Variants in TNFAIP8L1 observed in about 807,000 individuals in gnomAD.
The protein encoded by TNFAIP8L1 is TNF alpha induced protein 8 like 1, also known as tumor necrosis factor alpha-induced protein 8-like protein 1.
For missense variants in TNFAIP8L1, 225 were observed against 266.1 expected (o/e 0.85, Z 1.08); for synonymous variants, 127 against 125.6 (o/e 1.01, Z -0.08).
chr19:4,650,938 C>T (rs1362739825), intron 1 of TNFAIP8L1, among the ~76,000 whole-genome samples: 3 of 152,064 alleles, frequency 2.0e-5, no homozygotes, highest in Admixed American at 6.5e-5. Flanking sequence ...GAGCCGAGAT[C>T]GTGCCACCAC....
chr19:4,640,541 T>G (rs2088249843), intron 1 of TNFAIP8L1: 1 of 152,238 alleles, frequency 6.6e-6, no homozygotes, highest in Non-Finnish European at 1.5e-5. Flanking sequence ...GCATGATATC[T>G]TGAACCAGTT....
chr19:4,652,211 C>T lies in TNFAIP8L1; in HGVS notation c.342C>T (p.Arg114=), dbSNP rs185831663. 7.0e-5 allele frequency: 108 copies of T among 1,544,620 alleles called. No individual in the cohort carries two copies. The East Asian group carries it at 2.1e-3, about 30-fold the overall frequency. ...FHQVDFTFDR[R]VLAAGLLECR... is the part of the protein sequence containing the mutation. ...AGGTGGACTTCACCTTCGACCGGCGCGTGCTGGCCGCCGGGCTGCTCGAGT... is the reference window on the plus strand; with the variant it reads ...AGGTGGACTTCACCTTCGACCGGCGTGTGCTGGCCGCCGGGCTGCTCGAGT... Residue 114 remains arginine, a synonymous_variant, in exon 2 of 2, where the codon CGC becomes CGT. Coordinates refer to ENST00000327473, the MANE Select transcript of TNFAIP8L1 (RefSeq NM_152362.3).
rs1483910159 is a variant in TNFAIP8L1 at position 4,651,860 on chromosome 19, C to G, written c.-3-7C>G. 2.5e-6 allele frequency: 4 copies of G among 1,589,220 alleles called. No individual in the cohort carries two copies. The highest frequency in any genetic ancestry group is 3.4e-6 in the Non-Finnish European group (4 of 1,163,746). ...CAAAACTGAGGGCTGGTCTGTGTCC[C>G]CCGCAGGCCATGGACACCTTCAGCA... On this transcript the variant is annotated splice_polypyrimidine_tract_variant and splice_region_variant and intron_variant, in intron 1 of 1. Coordinates refer to ENST00000327473, the MANE Select transcript of TNFAIP8L1 (RefSeq NM_152362.3).
In TNFAIP8L1 at chr19:4,652,214, G is replaced by A; in HGVS notation, c.345G>A (p.Val115=). Residue 115 remains valine (V), a synonymous_variant, in exon 2 of 2, where the codon GTG becomes GTA. Coordinates refer to ENST00000327473, the MANE Select transcript of TNFAIP8L1 (RefSeq NM_152362.3). ...TGGACTTCACCTTCGACCGGCGCGT[G>A]CTGGCCGCCGGGCTGCTCGAGTGCC... ...HQVDFTFDRR[V]LAAGLLECRD... is the part of the protein sequence containing the mutation. 1 of 1,545,026 alleles carries A rather than the reference G, an allele frequency of 6.5e-7. No homozygotes were observed.
At chr19:4,643,174 G>C (rs1052042955) in intron 1 of TNFAIP8L1, among the ~76,000 whole-genome samples, 5 of 151,760 alleles carry the variant, frequency 3.3e-5, no homozygotes, top group Non-Finnish European at 5.9e-5. Flanking sequence ...AGCTACTCAG[G>C]AAGCTGAGGC....
chr19:4,652,526 C>A lies in TNFAIP8L1; in HGVS notation c.*96C>A. The A allele has an allele frequency of 1.6e-6, 2 of 1,260,550 alleles. No individual in the cohort carries two copies. The highest frequency in any genetic ancestry group is 2.2e-6 in the Non-Finnish European group (2 of 930,152). The allele number at this position is 1,260,550 out of a possible 1,614,324, so 78.1% of individuals were successfully genotyped here. A position where few individuals can be genotyped will look rare whatever the true frequency, so the allele number is the denominator to read the frequency against. On this transcript the variant is annotated 3_prime_UTR_variant, in exon 2 of 2. Transcript: ENST00000327473. ...GGGTTTTTTTCCACCTCTTTTCTCC[C>A]AATCGGACTCCGGCCAAACTCCCCT...
Position 4,652,458 on chromosome 19 carries a change from C to A in TNFAIP8L1, c.*28C>A, listed in dbSNP as rs915435391. The A allele has an allele frequency of 2.0e-6, 3 of 1,481,634 alleles. No individual in the cohort carries two copies. The allele number at this position is 1,481,634 out of a possible 1,614,324, so 91.8% of individuals were successfully genotyped here. On this transcript the variant is annotated 3_prime_UTR_variant, in exon 2 of 2. Transcript: ENST00000327473. ...CCCGGCGCCGCCCAACCGCGCCCCT[C>A]GCGCCTTTTGGGGCTCTCCTGCTGG...
chr19:4,642,148 C>A (rs2088266558), intron 1 of TNFAIP8L1: 1 of 152,216 alleles, frequency 6.6e-6, no homozygotes, highest in Non-Finnish European at 1.5e-5. Flanking sequence ...CACTGCACTT[C>A]AGCCTGGGCG....
chr19:4,648,087 T>C (rs1379451240), intron 1 of TNFAIP8L1, among the ~76,000 whole-genome samples: 1 of 152,186 alleles, frequency 6.6e-6, no homozygotes, highest in Non-Finnish European at 1.5e-5. Flanking sequence ...GAATGACGAA[T>C]AGGCACAGGT....
At position 4,652,625 on chromosome 19, in the gene TNFAIP8L1, A is replaced by C; in HGVS notation, c.*195A>C. The C allele has an allele frequency of 1.8e-6, 1 of 555,046 alleles. No homozygotes were observed. The highest frequency in any genetic ancestry group is 3.1e-6 in the Non-Finnish European group (1 of 323,026). 34.4% of individuals were successfully genotyped at this position (555,046 alleles called of 1,614,324 possible). ...AGCAGCTGTTTCAAACACCAATGTC[A>C]CCTCTCCTCCTGGCCCCCGCCCAAT... On this transcript the variant is annotated 3_prime_UTR_variant, in exon 2 of 2. Coordinates refer to ENST00000327473, the MANE Select transcript of TNFAIP8L1 (RefSeq NM_152362.3).
At chr19:4,648,432 G>A (rs1343441838) in intron 1 of TNFAIP8L1, among the ~76,000 whole-genome samples, 3 of 152,230 alleles carry the variant, frequency 2.0e-5, no homozygotes, top group South Asian at 4.1e-4. Flanking sequence ...GGATGGGAGC[G>A]TTTCTGGCAG....
Position 4,640,162 on chromosome 19 carries a change from A to G in TNFAIP8L1, c.-4+533A>G, listed in dbSNP as rs965602027. ...GAACTGGGACCGTCGCTGCTAAGGT[A>G]ATTGGCAGGTGATCTGAAGGACACC... On this transcript the variant is annotated intron_variant, in intron 1 of 1. Transcript: ENST00000327473. 3.9e-5 allele frequency: 6 copies of G among 152,316 alleles called. No individual in the cohort carries two copies. In the East Asian group the frequency reaches 1.2e-3, roughly 29 times the overall value. The allele number at this position is 152,316 out of a possible 1,614,324, so 9.4% of individuals were successfully genotyped here. A position where few individuals can be genotyped will look rare whatever the true frequency, so the allele number is the denominator to read the frequency against.
At chr19:4,646,834 G>T (rs2088316175) in intron 1 of TNFAIP8L1, among the ~76,000 whole-genome samples, 2 of 152,132 alleles carry the variant, frequency 1.3e-5, no homozygotes, top group African/African-American at 4.8e-5. Context: ...GTTTCACCGT[G>T]TTAGCCAGGA....
At position 4,652,279 on chromosome 19, in the gene TNFAIP8L1, C is replaced by T. The variant is rs1479768437; in HGVS notation, c.410C>T (p.Ala137Val). 1.9e-6 allele frequency: 3 copies of T among 1,565,446 alleles called. No homozygotes were observed. Among genetic ancestry groups the T allele is most frequent in the Admixed American group, 3.6e-5 (2 of 54,862 alleles). The change falls in exon 2 of 2, where the codon GCC becomes GTC. Residue 137 changes from alanine to valine, a missense_variant. Transcript: ENST00000327473. The part of the protein sequence containing the change: ...LHQAVGPHLT[A>V]KSHGRINHVF... ...CAGGCCGTGGGTCCCCACCTGACCG[C>T]CAAGTCCCACGGCCGCATCAACCAC...
chr19:4,643,979 G>C (rs1249261754), intron 1 of TNFAIP8L1, among the ~76,000 whole-genome samples: 2 of 152,072 alleles, frequency 1.3e-5, no homozygotes, highest in Non-Finnish European at 2.9e-5. Flanking sequence ...CCAGCACTTT[G>C]GGTGGCCGAG....
Position 4,652,843 on chromosome 19 carries a change from G to T in TNFAIP8L1, c.*413G>T. 2 of 203,736 alleles carry T rather than the reference G, an allele frequency of 9.8e-6. No homozygotes were observed. The highest frequency in any genetic ancestry group is 2.2e-5 in the Non-Finnish European group (2 of 93,004). The allele number at this position is 203,736 out of a possible 1,614,324, so 12.6% of individuals were successfully genotyped here. On this transcript the variant is annotated 3_prime_UTR_variant, in exon 2 of 2. Coordinates refer to ENST00000327473, the MANE Select transcript of TNFAIP8L1 (RefSeq NM_152362.3). ...CACGGTGAACTGGGGGAAGGGAAGT[G>T]TTAGGGGGCAAGTCGCGGCACCCCC...
chr19:4,651,965 T>C lies in TNFAIP8L1; in HGVS notation c.96T>C (p.Asp32=), dbSNP rs2088369293. Residue 32 remains aspartate (D), a synonymous_variant, in exon 2 of 2, where the codon GAT becomes GAC. Transcript: ENST00000327473. ...ASKAVVAVLV[D]DTSSEVLDEL... is the part of the protein sequence containing the mutation. ...AGGCAGTGGTGGCCGTGCTGGTGGA[T>C]GACACCAGCAGTGAGGTGCTGGATG... 6.2e-7 allele frequency: 1 copy of C among 1,613,908 alleles called. No homozygotes were observed. Among genetic ancestry groups the C allele is most frequent in the African/African-American group, 1.3e-5 (1 of 74,932 alleles).
rs925895435 is a variant in TNFAIP8L1, at chr19:4,641,040, G to A, written c.-4+1411G>A. 2 of 152,184 alleles carry A rather than the reference G, an allele frequency of 1.3e-5. No homozygotes were observed. The highest frequency in any genetic ancestry group is 2.9e-5 in the Non-Finnish European group (2 of 68,134). The allele number at this position is 152,184 out of a possible 1,614,324, so 9.4% of individuals were successfully genotyped here. A position where few individuals can be genotyped will look rare whatever the true frequency, so the allele number is the denominator to read the frequency against. ...CCCTGCAGGGAATATGGGGCCGGGG[G>A]GGGGACTTGAACCCTGCTCCAATGG... On this transcript the variant is annotated intron_variant, in intron 1 of 1. Transcript: ENST00000327473. This position sits in a 1 kb window ranked among gnomAD's most constrained non-coding sequence, Gnocchi z 4.6.
rs1407086545 is a variant in TNFAIP8L1 at position 4,652,676 on chromosome 19, CTG to C, written c.*247_*248del. On this transcript the variant is annotated 3_prime_UTR_variant, in exon 2 of 2. Transcript: ENST00000327473. ...GGGGAGAGGAATTTGGGGCCCTACTCTGGGGACCACCTTTCACCCGTTTGTAC... is the reference window on the plus strand; with the variant it reads ...GGGGAGAGGAATTTGGGGCCCTACTCGGGACCACCTTTCACCCGTTTGTAC... The C allele has an allele frequency of 4.1e-6, 2 of 490,982 alleles. No homozygotes were observed. The highest frequency in any genetic ancestry group is 5.4e-4 in the Middle Eastern group (1 of 1,866). The allele number at this position is 490,982 out of a possible 1,614,324, so 30.4% of individuals were successfully genotyped here. A position where few individuals can be genotyped will look rare whatever the true frequency, so the allele number is the denominator to read the frequency against.
Sources: allele counts gnomAD v4.1 joint callset (sites outside exome capture counted in the v4.1 genomes callset), GRCh38; gene constraint gnomAD v4.1.1; non-coding constraint Gnocchi (gnomAD v3.1); transcripts MANE v1.5; gene names NCBI Gene and HGNC (gene_info 2026-07-23, HGNC 2026-07-21).